Variants in XIAP observed in about 807,000 individuals in gnomAD.
The protein encoded by XIAP is X-linked inhibitor of apoptosis, also known as E3 ubiquitin-protein ligase XIAP.
A neutral mutation model predicts 33.1 loss-of-function variants in XIAP; 3 were observed. That is an observed-to-expected ratio of 0.09 (90% CI 0.04 to 0.23). The LOEUF is 0.23. XIAP is among the 10% of genes least tolerant of loss of function. XIAP has a pLI of 1.00. For missense variants in XIAP, 264 were observed against 363.0 expected (o/e 0.73, Z 2.22); for synonymous variants, 98 against 121.3 (o/e 0.81, Z 1.26).
At chrX:123,878,330 A>G (rs1294218398) in intron 1 of XIAP, among the ~76,000 whole-genome samples, 1 of 111,746 alleles carries the variant, frequency 8.9e-6, no homozygotes, top group African/African-American at 3.3e-5. Context: ...TATCACCACA[A>G]TCTAATTTTA....
At chrX:123,867,850 A>G (rs771381433) in intron 1 of XIAP, among the ~76,000 whole-genome samples, 1 of 108,336 alleles carries the variant, frequency 9.2e-6, no homozygotes, top group Admixed American at 1.0e-4. Context: ...TAATTTTTCT[A>G]TTTTTAGTAG....
At chrX:123,888,869 T>C in intron 3 of XIAP, 151 bp downstream of exon 3, 1 of 503,561 alleles carries the variant, frequency 2.0e-6, no homozygotes, top group Non-Finnish European at 3.5e-6. Flanking sequence ...AAGCCTTCTC[T>C]GATGACCAAA....
intron 1 of XIAP, among the ~76,000 whole-genome samples, chrX:123,883,514 G>A (rs1380538554): frequency 2.7e-5 from 1 of 37,490 alleles, no homozygotes; most frequent in African/African-American, 1.0e-4. Context: ...TTTTTTTTTT[G>A]AGACAGAGTT....
chrX:123,884,944 C>CAAAAAAAAAAAAAAAAAAAAAA (rs5903649), intron 1 of XIAP, among the ~76,000 whole-genome samples: 53 of 92,072 alleles, frequency 5.8e-4, no homozygotes, highest in African/African-American at 2.1e-3. Flanking sequence ...ATGTCATGGG[C>CAAAAAAAAAAAAAAAAAAAAAA]AAAAAAAAAA....
intron 3 of XIAP, among the ~76,000 whole-genome samples, chrX:123,889,072 C>T (rs1350033700): frequency 2.9e-5 from 3 of 104,864 alleles, no homozygotes; most frequent in African/African-American, 6.9e-5. Flanking sequence ...GCACCCGCCA[C>T]TGCCACCATG....
At chrX:123,884,117 C>T (rs1186706393) in intron 1 of XIAP, among the ~76,000 whole-genome samples, 1 of 112,101 alleles carries the variant, frequency 8.9e-6, no homozygotes, top group Non-Finnish European at 1.9e-5. Context: ...TTGAACATTA[C>T]TCCAAAAGAG....
chrX:123,899,331 C>G (rs1243992085), intron 5 of XIAP, among the ~76,000 whole-genome samples: 1 of 100,124 alleles, frequency 1.0e-5, no homozygotes, highest in Admixed American at 1.2e-4. Flanking sequence ...ACATAAAGTG[C>G]TTAAAGTACC....
chrX:123,873,487 T>TC (rs2148076519), intron 1 of XIAP, among the ~76,000 whole-genome samples: 1 of 108,958 alleles, frequency 9.2e-6, no homozygotes, highest in African/African-American at 3.3e-5. Context: ...TCTCTCTCTC[T>TC]TTTTTGAAAC....
intron 1 of XIAP, among the ~76,000 whole-genome samples, chrX:123,867,726 C>T (rs1298756093): frequency 5.7e-5 from 5 of 87,465 alleles, no homozygotes; most frequent in African/African-American, 1.4e-4. Flanking sequence ...CAGGCTGGAG[C>T]GCATTGGTGC....
At position 123,860,249 on chromosome X, in the gene XIAP, C is replaced by G. The variant is rs1053353200; in HGVS notation, c.-77C>G. 1 of 328,725 alleles carries G rather than the reference C, an allele frequency of 3.0e-6. No homozygotes were observed. Among genetic ancestry groups the G allele is most frequent in the Non-Finnish European group, 5.9e-6 (1 of 169,839 alleles). The allele number at this position is 328,725 out of a possible 1,213,427, so 27.1% of individuals were successfully genotyped here. A position where few individuals can be genotyped will look rare whatever the true frequency, so the allele number is the denominator to read the frequency against. The stretch of plus-strand genomic sequence containing the variant: ...CTCCTCCGGGACCCTCCCCTTGGAC[C>G]GAGCCGATCGCCGCGGGGCAGTTCG... On this transcript the variant is annotated 5_prime_UTR_variant, in exon 1 of 7. Coordinates refer to ENST00000371199, the MANE Select transcript of XIAP (RefSeq NM_001167.4).
intron 1 of XIAP, among the ~76,000 whole-genome samples, chrX:123,868,298 C>G (rs1340108162): frequency 9.0e-6 from 1 of 110,929 alleles, no homozygotes; most frequent in Non-Finnish European, 1.9e-5. Flanking sequence ...TGTCTCAAAA[C>G]AAACAAACAA....
chrX:123,880,810 C>CT (rs1356492734), intron 1 of XIAP, among the ~76,000 whole-genome samples: 1 of 109,432 alleles, frequency 9.1e-6, no homozygotes, highest in Non-Finnish European at 1.9e-5. Flanking sequence ...TTGTATGTGC[C>CT]TTTGTCTCTG....
intron 1 of XIAP, 39 bp downstream of exon 1, chrX:123,860,332 T>TCCCTCCTTC (rs1310411834): frequency 9.2e-6 from 3 of 327,342 alleles, no homozygotes; most frequent in Non-Finnish European, 1.8e-5. Flanking sequence ...TCCCCCGCTT[T>TCCCTCCTTC]CCCTCCTTCC....
rs57436822 is a variant in XIAP at position 123,869,362 on chromosome X, C to CAAAAAAAAAAAA, written c.-33+9080_-33+9091dup. Among the ~76,000 whole-genome samples the CAAAAAAAAAAAA allele has an allele frequency of 2.0e-3, 58 of 29,685 alleles. 1 individual carries two copies. Among genetic ancestry groups the CAAAAAAAAAAAA allele is most frequent in the African/African-American group, 3.0e-3 (20 of 6,647 alleles). The allele number at this position is 29,685 out of a possible 115,157, so 25.8% of individuals were successfully genotyped here. A position where few individuals can be genotyped will look rare whatever the true frequency, so the allele number is the denominator to read the frequency against. ...AAACCCCATCTCTACTAAAAAAATA[C>CAAAAAAAAAAAA]AAAAAAAAAAAAAAAAAAAAAAGCT... On this transcript the variant is annotated intron_variant, in intron 1 of 6. Transcript: ENST00000371199.
chrX:123,860,389 G>A (rs2053067837), intron 1 of XIAP, 96 bp downstream of exon 1: 1 of 306,348 alleles, frequency 3.3e-6, no homozygotes, highest in South Asian at 2.8e-5. Flanking sequence ...CCCTCGGGCC[G>A]GCGCTGCTGG....
intron 1 of XIAP, among the ~76,000 whole-genome samples, chrX:123,884,861 C>T (rs1041184600): frequency 1.8e-5 from 2 of 109,931 alleles, no homozygotes; most frequent in African/African-American, 6.7e-5. Context: ...TGCAGCAATA[C>T]TTATCTTCCA....
rs748255094 is a variant in XIAP, at chrX:123,864,635, A to AGTGTGTGTGT, written c.-33+4379_-33+4388dup. ...GCACCCGCCACCACACCCGGCTTAG[A>AGTGTGTGTGT]GTGTGTGTGTGTGTGTGTGTGTGTG... On this transcript the variant is annotated intron_variant, in intron 1 of 6. Coordinates refer to ENST00000371199, the MANE Select transcript of XIAP (RefSeq NM_001167.4). 9.0e-4 allele frequency among the ~76,000 whole-genome samples: 76 copies of AGTGTGTGTGT among 84,664 alleles called. 2 individuals carry two copies. The highest frequency in any genetic ancestry group is 2.9e-3 in the African/African-American group (65 of 22,438). 73.5% of individuals were successfully genotyped at this position (84,664 alleles called of 115,157 possible).
At chrX:123,892,050 A>G (rs1402920475) in intron 4 of XIAP, among the ~76,000 whole-genome samples, 1 of 111,218 alleles carries the variant, frequency 9.0e-6, no homozygotes, top group Non-Finnish European at 1.9e-5. Context: ...GACAATATTT[A>G]AAATCTCAAA....
Position 123,911,477 on chromosome X carries a change from CAAA to C in XIAP, c.*4307_*4309del, listed in dbSNP as rs397713705. 4 of 267,643 alleles carry C rather than the reference CAAA, an allele frequency of 1.5e-5. No homozygotes were observed. The highest frequency in any genetic ancestry group is 3.6e-5 in the South Asian group (1 of 27,488). The allele number at this position is 267,643 out of a possible 1,213,427, so 22.1% of individuals were successfully genotyped here. On this transcript the variant is annotated 3_prime_UTR_variant, in exon 7 of 7. Coordinates refer to ENST00000371199, the MANE Select transcript of XIAP (RefSeq NM_001167.4). ...GGGCAACAAGAGCAAAACTCTGTCT[CAAA>C]AAAAAAAAAAGATATAAATCACAAT... is the stretch of plus-strand genomic sequence containing the variant.
Sources: allele counts gnomAD v4.1 joint callset (sites outside exome capture counted in the v4.1 genomes callset), GRCh38; gene constraint gnomAD v4.1.1; transcripts MANE v1.5; gene names NCBI Gene and HGNC (gene_info 2026-07-23, HGNC 2026-07-21).